ADAMTS2: variants seen among roughly 807,000 people sequenced by gnomAD.
ADAMTS2 encodes the protein A disintegrin and metalloproteinase with thrombospondin motifs 2.
Under a neutral mutation model 123.0 loss-of-function variants are expected in ADAMTS2, and 50 were observed. That is an observed-to-expected ratio of 0.41 (90% CI 0.32 to 0.51). ADAMTS2 has a LOEUF of 0.51. Ranked by LOEUF, ADAMTS2 falls within the 20% of genes least tolerant of loss-of-function variation. ADAMTS2 has a pLI of 0.35. For synonymous variants in ADAMTS2, 678 were observed against 695.4 expected (o/e 0.98, Z 0.39); for missense variants, 1,494 against 1,705.2 (o/e 0.88, Z 2.18).
At chr5:179,250,402 G>C (rs562501842) in intron 3 of ADAMTS2, among the ~76,000 whole-genome samples, 1 of 152,206 alleles carries the variant, frequency 6.6e-6, no homozygotes, top group Admixed American at 6.5e-5. Flanking sequence ...ATGATGGCTC[G>C]TGGGTACAGG....
Position 179,253,366 on chromosome 5 carries a change from G to A in ADAMTS2, c.688+19545C>T, listed in dbSNP as rs148834293. Among the ~76,000 whole-genome samples, 920 of 152,090 alleles carry A rather than the reference G, an allele frequency of 6.0e-3. 12 individuals are homozygous for A. The highest frequency in any genetic ancestry group is 0.02 in the African/African-American group (845 of 41,474). On this transcript the variant is annotated intron_variant, in intron 3 of 21. Transcript: ENST00000251582. Reference sequence around the variant, plus strand: ...TCTTATAAAAAAAGACATCCCGGCCGGGCGCAGTGGCTCAGGCCTATAATC... The same window carrying A: ...TCTTATAAAAAAAGACATCCCGGCCAGGCGCAGTGGCTCAGGCCTATAATC...
intron 10 of ADAMTS2, among the ~76,000 whole-genome samples, chr5:179,149,403 A>G (rs1178541448): frequency 6.6e-6 from 1 of 152,214 alleles, no homozygotes; most frequent in Non-Finnish European, 1.5e-5. Context: ...TAAGCCACCC[A>G]GTCTGCGGTA....
chr5:179,231,924 A>G (rs1363465874), intron 3 of ADAMTS2, among the ~76,000 whole-genome samples: 1 of 73,256 alleles, frequency 1.4e-5, no homozygotes. Flanking sequence ...CTAGGAAAAA[A>G]AAAAAGAAAA....
intron 4 of ADAMTS2, among the ~76,000 whole-genome samples, chr5:179,198,783 G>A (rs1231182203): frequency 2.0e-5 from 3 of 151,454 alleles, no homozygotes; most frequent in African/African-American, 7.3e-5. Flanking sequence ...GCAGTGAGCC[G>A]AGATCATGCC....
intron 2 of ADAMTS2, among the ~76,000 whole-genome samples, chr5:179,331,276 A>C (rs901861639): frequency 7.0e-6 from 1 of 142,740 alleles, no homozygotes; most frequent in Non-Finnish European, 1.5e-5. Context: ...AGAGGACATA[A>C]AGGGAGAATG....
At chr5:179,215,609 A>G (rs72818648) in intron 3 of ADAMTS2, among the ~76,000 whole-genome samples, 20,905 of 152,194 alleles carry the variant, frequency 0.14, 1,637 homozygotes, top group Non-Finnish European at 0.18. Flanking sequence ...TTAAAGTCAC[A>G]AGCCTCCAAG....
chr5:179,295,669 T>C (rs1203133539), intron 2 of ADAMTS2, among the ~76,000 whole-genome samples: 1 of 152,092 alleles, frequency 6.6e-6, no homozygotes. Context: ...CACCACAGAC[T>C]CAGGACACAA....
chr5:179,124,220 C>A (rs1051875959), intron 19 of ADAMTS2, among the ~76,000 whole-genome samples: 2 of 152,128 alleles, frequency 1.3e-5, no homozygotes, highest in African/African-American at 4.8e-5. Context: ...TCTTGGGGAG[C>A]CCCTGACACA....
intron 10 of ADAMTS2, among the ~76,000 whole-genome samples, chr5:179,141,161 ACT>A (rs1429564298): frequency 6.6e-6 from 1 of 152,018 alleles, no homozygotes; most frequent in Non-Finnish European, 1.5e-5. Context: ...ATTTTGTAGC[ACT>A]GTTTCCACAA....
intron 3 of ADAMTS2, among the ~76,000 whole-genome samples, chr5:179,219,281 C>G (rs1008145876): frequency 6.6e-6 from 1 of 152,198 alleles, no homozygotes; most frequent in African/African-American, 2.4e-5. Context: ...GTCCCCAAAT[C>G]CAGCTATGGC....
chr5:179,207,261 G>A (rs539499564), intron 4 of ADAMTS2, among the ~76,000 whole-genome samples: 4 of 152,278 alleles, frequency 2.6e-5, no homozygotes, highest in South Asian at 2.1e-4. Context: ...GCACAAACCC[G>A]CCTTAGCCTG....
At chr5:179,302,262 C>T (rs1443884348) in intron 2 of ADAMTS2, among the ~76,000 whole-genome samples, 2 of 151,530 alleles carry the variant, frequency 1.3e-5, no homozygotes, top group Non-Finnish European at 1.5e-5. Context: ...GAGATGGAGA[C>T]CATCCTGGCT....
intron 4 of ADAMTS2, among the ~76,000 whole-genome samples, chr5:179,206,468 G>A (rs536500421): frequency 6.6e-6 from 1 of 152,272 alleles, no homozygotes; most frequent in South Asian, 2.1e-4. Flanking sequence ...CACAGGTGTG[G>A]ACACGCAGCA....
chr5:179,269,233 C>T (rs1209933171), intron 3 of ADAMTS2, among the ~76,000 whole-genome samples: 1 of 152,204 alleles, frequency 6.6e-6, no homozygotes, highest in African/African-American at 2.4e-5. Context: ...ACAGCCCTGT[C>T]CACCCTTGAT....
In ADAMTS2 at chr5:179,202,711, G is replaced by C. The variant is rs1052472645; in HGVS notation, c.891+4802C>G. ...TCTCAGCAGCTGAACACAATACACC[G>C]CACACCGTGTTTCCTTACTCACACC... On this transcript the variant is annotated intron_variant, in intron 4 of 21. Coordinates refer to ENST00000251582, the MANE Select transcript of ADAMTS2 (RefSeq NM_014244.5). The surrounding 1 kb of genome is among the most constrained non-coding windows in gnomAD (Gnocchi z 4.0). Among the ~76,000 whole-genome samples the C allele has an allele frequency of 6.9e-6, 1 of 145,832 alleles. No homozygotes were observed. The highest frequency in any genetic ancestry group is 2.4e-4 in the South Asian group (1 of 4,190).
intron 3 of ADAMTS2, among the ~76,000 whole-genome samples, chr5:179,240,879 G>C (rs944837516): frequency 6.6e-6 from 1 of 152,168 alleles, no homozygotes; most frequent in African/African-American, 2.4e-5. Flanking sequence ...GGTTTTGTCC[G>C]GTAAAGGGAA....
At chr5:179,298,958 T>A (rs964972341) in intron 2 of ADAMTS2, among the ~76,000 whole-genome samples, 1 of 152,132 alleles carries the variant, frequency 6.6e-6, no homozygotes, top group Non-Finnish European at 1.5e-5. Flanking sequence ...TTTAAAATGA[T>A]GACAGTGAGA....
intron 3 of ADAMTS2, among the ~76,000 whole-genome samples, chr5:179,223,195 C>T (rs1363182505): frequency 6.6e-6 from 1 of 152,236 alleles, no homozygotes; most frequent in East Asian, 1.9e-4. Flanking sequence ...CACAGGCTGG[C>T]CTGCTCAGTG....
At chr5:179,195,451 A>G (rs947104144) in intron 4 of ADAMTS2, among the ~76,000 whole-genome samples, 1 of 152,206 alleles carries the variant, frequency 6.6e-6, no homozygotes, top group African/African-American at 2.4e-5. Context: ...GTGGCTTCTT[A>G]ATTTCAATCT....
Sources: gnomAD v4.1 joint callset for allele counts (sites outside exome capture counted in the v4.1 genomes callset) on GRCh38, gnomAD v4.1.1 for gene constraint, Gnocchi (gnomAD v3.1) non-coding constraint, MANE v1.5 for transcripts, NCBI Gene and HGNC (gene_info 2026-07-23, HGNC 2026-07-21) for gene names.